Variants in TBCD observed in about 807,000 individuals in gnomAD.
TBCD encodes tubulin-specific chaperone D.
A neutral mutation model predicts 169.3 loss-of-function variants in TBCD; 105 were observed. The observed-to-expected ratio is 0.62, with a 90% confidence interval of 0.53 to 0.73. The LOEUF is 0.73. Among genes scored for constraint, TBCD ranks in the 30% least tolerant of loss-of-function variants. TBCD has a pLI of 0.00. For missense variants in TBCD, 1,444 were observed against 1,600.1 expected, an observed-to-expected ratio of 0.90 and a Z score of 1.66; for synonymous variants, 700 against 643.9, an observed-to-expected ratio of 1.09 and a Z score of -1.32.
At chr17:82,860,324 C>T (rs570343692) in intron 13 of TBCD, 14 of 968,988 alleles carry the variant, frequency 1.4e-5, no homozygotes, top group Non-Finnish European at 1.7e-5. Flanking sequence ...TGAGCGTCCC[C>T]TCCCCTCTGG....
At position 82,790,664 on chromosome 17, in the gene TBCD, G is replaced by A. The variant is rs976500859; in HGVS notation, c.772-7093G>A. 5.3e-5 allele frequency among the ~76,000 whole-genome samples: 8 copies of A among 152,158 alleles called. No individual in the cohort carries two copies. In the South Asian group the frequency reaches 6.2e-4, roughly 12 times the overall value. On this transcript the variant is annotated intron_variant, in intron 7 of 38. Coordinates refer to ENST00000355528, the MANE Select transcript of TBCD (RefSeq NM_005993.5). Reference sequence around the variant, plus strand: ...GCCGCCCCCAGCATATGTCAGCAGCGCCGTCCGGGGGAGATGTGGCATCAG... The same window carrying A: ...GCCGCCCCCAGCATATGTCAGCAGCACCGTCCGGGGGAGATGTGGCATCAG...
rs1402397212 is a variant in TBCD at position 82,830,430 on chromosome 17, C to G, written c.1318+15496C>G. The G allele has an allele frequency of 6.2e-6, 10 of 1,611,700 alleles. No homozygotes were observed. In the African/African-American group the frequency reaches 6.7e-5, roughly 11 times the overall value. ...CCACGGCTGCCGTCTGCTTCTGCTC[C>G]TCGCTGCTGTCCACCGCGCATGCGT... On this transcript the variant is annotated intron_variant, in intron 13 of 38. Transcript: ENST00000355528.
intron 13 of TBCD, among the ~76,000 whole-genome samples, chr17:82,857,758 TTTTAA>T (rs1251789011): frequency 1.3e-5 from 2 of 151,026 alleles, no homozygotes; most frequent in Middle Eastern, 3.4e-3. Context: ...TTTTTTTTTT[TTTTAA>T]TTTAATTTAA....
intron 13 of TBCD, among the ~76,000 whole-genome samples, chr17:82,854,579 A>G (rs1598955238): frequency 1.3e-5 from 2 of 152,338 alleles, no homozygotes; most frequent in African/African-American, 2.4e-5. Flanking sequence ...TGAAAATGTC[A>G]GAAAGGCCTG....
intron 13 of TBCD, among the ~76,000 whole-genome samples, chr17:82,818,624 A>C (rs116221521): frequency 2.0e-5 from 3 of 152,064 alleles, no homozygotes; most frequent in African/African-American, 7.2e-5. Context: ...CACACACACA[A>C]ACACTGCAGC....
At position 82,872,521 on chromosome 17, in the gene TBCD, G is replaced by A. The variant is rs543333380; in HGVS notation, c.1475+2141G>A. On this transcript the variant is annotated intron_variant, in intron 14 of 38. Transcript: ENST00000355528. ...CCGCGTGCCTGTGCCAGCCTGCAGC[G>A]CTGCTGTCTGTGTGCGGGAGCTCTT... Among the ~76,000 whole-genome samples the A allele has an allele frequency of 3.0e-4, 46 of 152,376 alleles. No individual in the cohort carries two copies. The South Asian group carries it at 4.8e-3, about 16-fold the overall frequency.
At chr17:82,847,484 A>T (rs1435364267) in intron 13 of TBCD, among the ~76,000 whole-genome samples, 5 of 152,226 alleles carry the variant, frequency 3.3e-5, no homozygotes, top group African/African-American at 1.2e-4. Flanking sequence ...GGTGAGATAC[A>T]GCCAAGGTGT....
intron 14 of TBCD, among the ~76,000 whole-genome samples, chr17:82,872,151 C>T (rs1340272288): frequency 3.3e-5 from 5 of 152,192 alleles, no homozygotes; most frequent in East Asian, 1.9e-4. Flanking sequence ...TGAGAGGAGC[C>T]GAGGGTCCTC....
intron 13 of TBCD, chr17:82,830,844 C>T (rs781214323): frequency 1.9e-6 from 3 of 1,612,862 alleles, no homozygotes; most frequent in Admixed American, 3.3e-5. Context: ...CGCTTCCGGT[C>T]GGAGCAGGAG....
Position 82,884,265 on chromosome 17 carries a change from T to G in TBCD, c.1533+63T>G. On this transcript the variant is annotated intron_variant, in intron 15 of 38. Transcript: ENST00000355528. This position sits in a 1 kb window ranked among gnomAD's most constrained non-coding sequence, Gnocchi z 4.2. ...TGGGGGGTGGGCCTGGTCTCCCTGA[T>G]GCTCCTCTGTGCACTGCTGCCTGGC... 6.9e-7 allele frequency: 1 copy of G among 1,440,902 alleles called. No homozygotes were observed. Among genetic ancestry groups the G allele is most frequent in the Non-Finnish European group, 9.6e-7 (1 of 1,046,168 alleles). The allele number at this position is 1,440,902 out of a possible 1,614,324, so 89.3% of individuals were successfully genotyped here.
chr17:82,928,706 C>A (rs986882590), intron 30 of TBCD, among the ~76,000 whole-genome samples: 15 of 151,956 alleles, frequency 9.9e-5, no homozygotes, highest in African/African-American at 3.6e-4. Flanking sequence ...TTTCTCTTTC[C>A]CCCTCCCCAT....
chr17:82,824,285 C>T (rs1381769818), intron 13 of TBCD, among the ~76,000 whole-genome samples: 2 of 151,244 alleles, frequency 1.3e-5, no homozygotes, highest in East Asian at 3.9e-4. Flanking sequence ...AGGTTCACGC[C>T]ATTCTCCTGC....
intron 23 of TBCD, among the ~76,000 whole-genome samples, chr17:82,917,256 G>C (rs190745080): frequency 9.5e-4 from 145 of 152,126 alleles, no homozygotes; most frequent in African/African-American, 3.3e-3. Context: ...TTGACCTTGT[G>C]ATCTGCTCAC....
At chr17:82,892,814 T>C (rs571159563) in intron 16 of TBCD, among the ~76,000 whole-genome samples, 31 of 152,354 alleles carry the variant, frequency 2.0e-4, no homozygotes, top group South Asian at 1.9e-3. Flanking sequence ...ATTTATGTTG[T>C]TTCCAGAATT....
intron 16 of TBCD, chr17:82,893,289 T>A (rs2059272299): frequency 2.0e-6 from 1 of 501,730 alleles, no homozygotes; most frequent in Non-Finnish European, 3.5e-6. Context: ...TGGAAATGTT[T>A]GAGTTGTTTG....
chr17:82,792,467 C>T (rs1035840014), intron 7 of TBCD, among the ~76,000 whole-genome samples: 12 of 152,162 alleles, frequency 7.9e-5, no homozygotes, highest in Non-Finnish European at 1.3e-4. Context: ...TGATGTAGGA[C>T]TCTAGTGCGA....
At chr17:82,839,471 T>TA (rs1209817045) in intron 13 of TBCD, among the ~76,000 whole-genome samples, 1 of 151,608 alleles carries the variant, frequency 6.6e-6, no homozygotes, top group Non-Finnish European at 1.5e-5. Context: ...CTAATGTACA[T>TA]ACACCACACA....
intron 12 of TBCD, 110 bp from the exon 13 acceptor site, chr17:82,814,730 C>T (rs1040316398): frequency 9.6e-7 from 1 of 1,043,820 alleles, no homozygotes; most frequent in Non-Finnish European, 1.4e-6. Flanking sequence ...TTACGTGAGC[C>T]TTACAGGCAG....
intron 13 of TBCD, among the ~76,000 whole-genome samples, chr17:82,838,428 T>A (rs1364473873): frequency 6.6e-6 from 1 of 152,232 alleles, no homozygotes; most frequent in Non-Finnish European, 1.5e-5. Flanking sequence ...ATGCTTGTCA[T>A]GCGTCCTAAC....
Sources: allele counts gnomAD v4.1 joint callset (sites outside exome capture counted in the v4.1 genomes callset), GRCh38; gene constraint gnomAD v4.1.1; non-coding constraint Gnocchi (gnomAD v3.1); transcripts MANE v1.5; gene names NCBI Gene and HGNC (gene_info 2026-07-23, HGNC 2026-07-21).